The following PLAC1 variants were observed in gnomAD, a reference collection of about 807,000 sequenced individuals.
PLAC1 encodes the protein placenta-specific protein 1.
For missense variants in PLAC1, 136 were observed against 163.2 expected (o/e 0.83, Z 0.91); for synonymous variants, 68 against 62.1 (o/e 1.09, Z -0.44).
intron 2 of PLAC1, among the ~76,000 whole-genome samples, chrX:134,591,720 C>T (rs1017230768): frequency 1.8e-5 from 2 of 112,167 alleles, no homozygotes; most frequent in East Asian, 5.5e-4. Flanking sequence ...ATGAAACTGC[C>T]AAAGAGTTTT....
chrX:134,762,899 C>A (rs1454685177), intron 1 of PLAC1, among the ~76,000 whole-genome samples: 1 of 97,897 alleles, frequency 1.0e-5, no homozygotes, highest in Non-Finnish European at 2.1e-5. Context: ...CAAACTATTA[C>A]ATTATAGATG....
At chrX:134,585,545 TA>T (rs768103901) in intron 2 of PLAC1, among the ~76,000 whole-genome samples, 1 of 109,388 alleles carries the variant, frequency 9.1e-6, no homozygotes, top group Non-Finnish European at 1.9e-5. Flanking sequence ...TTGTTTAAGT[TA>T]AAAAAAATAG....
At chrX:134,693,799 C>T (rs2078552616) in intron 2 of PLAC1, among the ~76,000 whole-genome samples, 1 of 111,640 alleles carries the variant, frequency 9.0e-6, no homozygotes, top group Non-Finnish European at 1.9e-5. Flanking sequence ...AGTTGAGAGA[C>T]GTGAATCTGA....
intron 1 of PLAC1, among the ~76,000 whole-genome samples, chrX:134,644,429 C>T (rs2078321861): frequency 9.0e-6 from 1 of 110,927 alleles, no homozygotes; most frequent in Non-Finnish European, 1.9e-5. Context: ...AATGGTACCA[C>T]GACTTTCTTT....
At chrX:134,634,221 T>C (rs1207756670) in intron 1 of PLAC1, among the ~76,000 whole-genome samples, 2 of 112,244 alleles carry the variant, frequency 1.8e-5, no homozygotes, top group Admixed American at 1.9e-4. Context: ...CCCAAGTTCA[T>C]GCTTGCCCAT....
intron 2 of PLAC1, among the ~76,000 whole-genome samples, chrX:134,700,573 G>A (rs1356531750): frequency 8.9e-6 from 1 of 111,976 alleles, no homozygotes; most frequent in African/African-American, 3.2e-5. Context: ...TCCTGAAACT[G>A]ATAAAAGACT....
At chrX:134,677,157 G>A (rs1182754698) in intron 2 of PLAC1, among the ~76,000 whole-genome samples, 1 of 111,103 alleles carries the variant, frequency 9.0e-6, no homozygotes, top group Non-Finnish European at 1.9e-5. Context: ...GGGTGATTCC[G>A]ACGTCCACTC....
chrX:134,642,434 T>C (rs1365610402), intron 1 of PLAC1, among the ~76,000 whole-genome samples: 1 of 111,321 alleles, frequency 9.0e-6, no homozygotes, highest in Non-Finnish European at 1.9e-5. Context: ...ATTAATACTA[T>C]GTTAGGAGCT....
chrX:134,655,364 C>CACACAT (rs1556118829), intron 1 of PLAC1, among the ~76,000 whole-genome samples: 4 of 101,308 alleles, frequency 3.9e-5, no homozygotes, highest in Non-Finnish European at 6.1e-5. Flanking sequence ...CACACACACA[C>CACACAT]ATATATTTGA....
intron 1 of PLAC1, among the ~76,000 whole-genome samples, chrX:134,624,276 C>A (rs1005025772): frequency 1.8e-5 from 2 of 112,213 alleles, no homozygotes; most frequent in Admixed American, 1.9e-4. Flanking sequence ...GCTTCAAATG[C>A]ACTGAGATAA....
chrX:134,698,000 T>C (rs893139302), intron 2 of PLAC1, among the ~76,000 whole-genome samples: 21 of 112,556 alleles, frequency 1.9e-4, no homozygotes, highest in Admixed American at 4.7e-4. Context: ...TGCTCTTGCA[T>C]GTAAGAATGT....
intron 1 of PLAC1, among the ~76,000 whole-genome samples, chrX:134,610,898 G>T (rs2078148919): frequency 9.0e-6 from 1 of 111,573 alleles, no homozygotes; most frequent in Middle Eastern, 4.7e-3. Context: ...TATGATCAAG[G>T]CTCATGCAAA....
chrX:134,733,267 C>G (rs375529752), intron 2 of PLAC1, among the ~76,000 whole-genome samples: 2 of 109,855 alleles, frequency 1.8e-5, no homozygotes, highest in East Asian at 2.8e-4. Flanking sequence ...AGAGAACTTC[C>G]GGGGCTTAGA....
intron 1 of PLAC1, among the ~76,000 whole-genome samples, chrX:134,614,756 T>A (rs1322100127): frequency 8.9e-6 from 1 of 111,849 alleles, no homozygotes; most frequent in Non-Finnish European, 1.9e-5. Flanking sequence ...TACCTCCACC[T>A]CCTGAGTAGC....
intron 1 of PLAC1, among the ~76,000 whole-genome samples, chrX:134,737,086 G>C (rs1257179034): frequency 8.9e-6 from 1 of 112,456 alleles, no homozygotes; most frequent in Non-Finnish European, 1.9e-5. Context: ...TTGGATGTTG[G>C]AATCGTCTTC....
At chrX:134,761,193 A>AG (rs5903884) in intron 1 of PLAC1, among the ~76,000 whole-genome samples, 10,237 of 111,562 alleles carry the variant, frequency 0.092, 1,147 homozygotes, top group African/African-American at 0.32. Context: ...AGGAAAAAAA[A>AG]AATATATAGA....
rs1300830453 is a variant in PLAC1, at chrX:134,611,952, C to T, written c.-130-9830G>A. 7.2e-5 allele frequency among the ~76,000 whole-genome samples: 8 copies of T among 111,138 alleles called. No homozygotes were observed. In the South Asian group the frequency reaches 1.5e-3, roughly 21 times the overall value. The stretch of plus-strand genomic sequence containing the variant: ...ACTCAAGGGACTCAAAGTCAAACTC[C>T]ACTCCATCACCTCACCGTACTTGTT... On this transcript the variant is annotated intron_variant, in intron 1 of 2. Coordinates refer to ENST00000359237, the MANE Select transcript of PLAC1 (RefSeq NM_021796.4).
chrX:134,567,194 A>C (rs2077881534), intron 2 of PLAC1, among the ~76,000 whole-genome samples: 1 of 112,428 alleles, frequency 8.9e-6, no homozygotes, highest in Non-Finnish European at 1.9e-5. Context: ...TTGTTGTTAC[A>C]ACAGATTTGA....
chrX:134,716,539 G>C (rs2078643896), intron 2 of PLAC1, among the ~76,000 whole-genome samples: 1 of 112,307 alleles, frequency 8.9e-6, no homozygotes, highest in Admixed American at 9.4e-5. Context: ...TATACTCCCT[G>C]TGTTTAGGCG....
Sources: gnomAD v4.1 joint callset for allele counts (sites outside exome capture counted in the v4.1 genomes callset) on GRCh38, gnomAD v4.1.1 for gene constraint, MANE v1.5 for transcripts, NCBI Gene and HGNC (gene_info 2026-07-23, HGNC 2026-07-21) for gene names.